Variants in SZT2 observed in about 807,000 individuals in gnomAD.
SZT2 encodes the protein KICSTOR complex protein SZT2.
In SZT2, 216 loss-of-function variants were observed where a neutral mutation model predicts 404.2. The observed-to-expected ratio is 0.53, with a 90% CI of 0.48 to 0.60. SZT2 has a LOEUF of 0.60. SZT2 is among the 20% of genes least tolerant of loss of function. The pLI is 0.00. For missense variants in SZT2, 3,857 were observed against 4,459.2 expected (o/e 0.86, Z 3.85); for synonymous variants, 1,693 against 1,749.9 (o/e 0.97, Z 0.81).
chr1:43,445,506 A>AGCT, intron 62 of SZT2: 1 of 294,166 alleles, frequency 3.4e-6, no homozygotes, highest in Non-Finnish European at 6.7e-6. Context: ...CCCAATCAAA[A>AGCT]GACAGCAGCT....
Position 43,448,266 on chromosome 1 carries a change from C to G in SZT2, c.9751C>G (p.Leu3251Val), listed in dbSNP as rs970400454. Reference sequence around the variant, plus strand: ...TGGACCGGCTCCTCTGTTCCCACCACTGGCTGCAGAGGTGGGCATGGCACG... The same window carrying G: ...TGGACCGGCTCCTCTGTTCCCACCAGTGGCTGCAGAGGTGGGCATGGCACG... ...APGPAPLFPP[L>V]AAEVGMARAR... is the part of the protein sequence containing the mutation. The change falls in exon 69 of 72, where the codon CTG becomes GTG. Residue 3251 changes from leucine (L) to valine (V), a missense_variant. By Grantham distance (32) the Leu-to-Val change is conservative (BLOSUM62 1). This residue lies in a region of SZT2 where 717 missense variants were observed against 868.2 expected (regional missense o/e 0.83). Transcript: ENST00000634258. The surrounding 1 kb of genome is among the most constrained non-coding windows in gnomAD (Gnocchi z 4.2). The G allele has an allele frequency of 1.3e-6, 2 of 1,573,510 alleles. No homozygotes were observed. Among genetic ancestry groups the G allele is most frequent in the Admixed American group, 1.9e-5 (1 of 53,878 alleles).
intron 62 of SZT2, chr1:43,445,614 C>G: frequency 2.0e-6 from 1 of 494,114 alleles, no homozygotes; most frequent in South Asian, 2.6e-5. Context: ...CCTTCTCTTT[C>G]CTGCCCAGCA....
rs566737195 is a variant in SZT2, at chr1:43,452,692, T to TA, written c.*2213dup. On this transcript the variant is annotated 3_prime_UTR_variant, in exon 72 of 72. Coordinates refer to ENST00000634258, the MANE Select transcript of SZT2 (RefSeq NM_001365999.1). Reference sequence around the variant, plus strand: ...TCTACTTCCTCTCCTCGCATCTACTTAGCCTTTTCCCATCTGTTTTCTGCC... The same window carrying TA: ...TCTACTTCCTCTCCTCGCATCTACTTAAGCCTTTTCCCATCTGTTTTCTGCC... 8.5e-4 allele frequency: 521 copies of TA among 610,462 alleles called. 2 individuals carry two copies. The African/African-American group carries it at 8.5e-3, about 10-fold the overall frequency. The allele number at this position is 610,462 out of a possible 1,614,324, so 37.8% of individuals were successfully genotyped here.
Position 43,439,197 on chromosome 1 carries a change from G to A in SZT2, c.6792+104G>A. 6.4e-7 allele frequency: 1 copy of A among 1,568,578 alleles called. No individual in the cohort carries two copies. Among genetic ancestry groups the A allele is most frequent in the Non-Finnish European group, 8.7e-7 (1 of 1,146,860 alleles). ...ACCCCTATATGTACCTTTGCCCATG[G>A]ACCTGGGTACACCCATGCCCCCCCG... is the stretch of plus-strand genomic sequence containing the variant. On this transcript the variant is annotated intron_variant, in intron 48 of 71. Coordinates refer to ENST00000634258, the MANE Select transcript of SZT2 (RefSeq NM_001365999.1). The surrounding 1 kb of genome is among the most constrained non-coding windows in gnomAD (Gnocchi z 4.2).
rs1257723750 is a variant in SZT2 at position 43,453,049 on chromosome 1, G to A, written c.*2569G>A. ...TCACTACCTGTAAGCAGCTTTCTCT[G>A]ATCCAGACAGGGTTAGGTGCCTACC... On this transcript the variant is annotated 3_prime_UTR_variant, in exon 72 of 72. Coordinates refer to ENST00000634258, the MANE Select transcript of SZT2 (RefSeq NM_001365999.1). 3 of 1,224,666 alleles carry A rather than the reference G, an allele frequency of 2.4e-6. No homozygotes were observed. Among genetic ancestry groups the A allele is most frequent in the Non-Finnish European group, 3.6e-6 (3 of 842,888 alleles). The allele number at this position is 1,224,666 out of a possible 1,614,324, so 75.9% of individuals were successfully genotyped here. A position where few individuals can be genotyped will look rare whatever the true frequency, so the allele number is the denominator to read the frequency against.
rs1365597578 is a variant in SZT2 at position 43,450,370 on chromosome 1, G to A, written c.10189G>A (p.Val3397Ile). The change falls in exon 72 of 72, where the codon GTA becomes ATA. Residue 3397 changes from valine (V) to isoleucine (I), a missense_variant. By Grantham distance (29) the Val-to-Ile change is conservative (BLOSUM62 3). Transcript: ENST00000634258. The surrounding 1 kb of genome is among the most constrained non-coding windows in gnomAD (Gnocchi z 4.3). ...AGTGGTTTTCCGAGAGCCCTTCCCA[G>A]TACAGCCCCAGGACAGCGAGAGCCC... ...LTVVFREPFPVQPQDSESPPA... is the reference protein window; with the variant it reads ...LTVVFREPFPIQPQDSESPPA... 1 of 1,613,958 alleles carries A rather than the reference G, an allele frequency of 6.2e-7. No individual in the cohort carries two copies. Among genetic ancestry groups the A allele is most frequent in the Admixed American group, 1.7e-5 (1 of 59,992 alleles).
rs778817038 is a variant in SZT2 at position 43,421,165 on chromosome 1, A to G, written c.1497-9A>G. On this transcript the variant is annotated splice_polypyrimidine_tract_variant and intron_variant, in intron 10 of 71. Transcript: ENST00000634258. ...CAGATATGGCTCAGGCCTGGCCCTTATTCTACAGCATCAACCAGACAGACC... is the reference window on the plus strand; with the variant it reads ...CAGATATGGCTCAGGCCTGGCCCTTGTTCTACAGCATCAACCAGACAGACC... 1.9e-6 allele frequency: 3 copies of G among 1,598,174 alleles called. No homozygotes were observed. Among genetic ancestry groups the G allele is most frequent in the Non-Finnish European group, 2.5e-6 (3 of 1,179,688 alleles).
Position 43,442,279 on chromosome 1 carries a change from A to G in SZT2, c.7885A>G (p.Met2629Val). Reference protein sequence around the residue: ...RRPTQQAAKAMQRFEPGGDGS... With the variant: ...RRPTQQAAKAVQRFEPGGDGS... ...CCCCCACCCTGTAGCTGCCAAAGCC[A>G]TGCAGCGCTTCGAGCCAGGAGGTGA... Residue 2629 changes from methionine (M) to valine (V), a missense_variant, in exon 57 of 72, where the codon ATG becomes GTG. Met to Val is a conservative substitution (Grantham distance 21). Transcript: ENST00000634258. This position sits in a 1 kb window ranked among gnomAD's most constrained non-coding sequence, Gnocchi z 4.5. 6.2e-7 allele frequency: 1 copy of G among 1,613,630 alleles called. No homozygotes were observed. The highest frequency in any genetic ancestry group is 1.3e-5 in the African/African-American group (1 of 75,048).
Position 43,404,224 on chromosome 1 carries a change from A to G in SZT2, c.328-156A>G, listed in dbSNP as rs1452868033. On this transcript the variant is annotated intron_variant, in intron 3 of 71. Coordinates refer to ENST00000634258, the MANE Select transcript of SZT2 (RefSeq NM_001365999.1). ...CCTGGTTTTGTTGTTTTTGTTTCCA[A>G]AAAACACCCCAGAAACTGTTCCATG... The G allele has an allele frequency of 4.5e-6, 3 of 669,130 alleles. No homozygotes were observed. The highest frequency in any genetic ancestry group is 7.4e-6 in the Non-Finnish European group (3 of 404,430). The allele number at this position is 669,130 out of a possible 1,614,324, so 41.4% of individuals were successfully genotyped here. A position where few individuals can be genotyped will look rare whatever the true frequency, so the allele number is the denominator to read the frequency against.
In SZT2 at chr1:43,442,624, T is replaced by C. The variant is rs1655189276; in HGVS notation, c.8151+6T>C. 1 of 1,594,960 alleles carries C rather than the reference T, an allele frequency of 6.3e-7. No individual in the cohort carries two copies. The highest frequency in any genetic ancestry group is 8.6e-7 in the Non-Finnish European group (1 of 1,169,204). ...TCCCCGTGCGAGATGAAAAGGTGCCTGCTGCTCTGGTTCTTCCTATAGTTT... is the reference window on the plus strand; with the variant it reads ...TCCCCGTGCGAGATGAAAAGGTGCCCGCTGCTCTGGTTCTTCCTATAGTTT... On this transcript the variant is annotated splice_donor_region_variant and intron_variant, in intron 58 of 71. Coordinates refer to ENST00000634258, the MANE Select transcript of SZT2 (RefSeq NM_001365999.1). This position sits in a 1 kb window ranked among gnomAD's most constrained non-coding sequence, Gnocchi z 4.5.
rs1259508159 is a variant in SZT2, at chr1:43,452,474, C to CA, written c.*1995dup. ...CCAGGTATCCCAGCACTTTCAGAGA[C>CA]ACTTCAGTGATGGCTGAGGGGCAAG... On this transcript the variant is annotated 3_prime_UTR_variant, in exon 72 of 72. Coordinates refer to ENST00000634258, the MANE Select transcript of SZT2 (RefSeq NM_001365999.1). 5 of 717,324 alleles carry CA rather than the reference C, an allele frequency of 7.0e-6. No individual in the cohort carries two copies. The Admixed American group carries it at 1.0e-4, about 14-fold the overall frequency. 44.4% of individuals were successfully genotyped at this position (717,324 alleles called of 1,614,324 possible). A position where few individuals can be genotyped will look rare whatever the true frequency, so the allele number is the denominator to read the frequency against.
Position 43,435,347 on chromosome 1 carries a change from A to G in SZT2, c.6034+18A>G, listed in dbSNP as rs1654349441. ...CAGTGATGGTGAGATCCCACCCAGG[A>G]GCCTCCCTCACAAGGCAGTGCTGCC... On this transcript the variant is annotated intron_variant, in intron 42 of 71. Coordinates refer to ENST00000634258, the MANE Select transcript of SZT2 (RefSeq NM_001365999.1). 2 of 1,613,336 alleles carry G rather than the reference A, an allele frequency of 1.2e-6. No homozygotes were observed. Among genetic ancestry groups the G allele is most frequent in the African/African-American group, 1.3e-5 (1 of 74,922 alleles).
chr1:43,443,588 C>A lies in SZT2; in HGVS notation c.8626-9C>A. ...TGGGGAGAGTCTTCCTTGATCTTTA[C>A]TCTCATAGCGGCGCCATCGCCCTGA... On this transcript the variant is annotated splice_polypyrimidine_tract_variant and intron_variant, in intron 61 of 71. Coordinates refer to ENST00000634258, the MANE Select transcript of SZT2 (RefSeq NM_001365999.1). 1 of 1,614,076 alleles carries A rather than the reference C, an allele frequency of 6.2e-7. No homozygotes were observed. Among genetic ancestry groups the A allele is most frequent in the Non-Finnish European group, 8.5e-7 (1 of 1,180,022 alleles).
chr1:43,429,140 A>G (rs1653549145), intron 28 of SZT2: 2 of 155,160 alleles, frequency 1.3e-5, no homozygotes. Flanking sequence ...TTCATGGTGA[A>G]AAATATCACC....
intron 4 of SZT2, chr1:43,406,227 A>G (rs895888038): frequency 9.8e-6 from 3 of 305,616 alleles, no homozygotes; most frequent in Non-Finnish European, 1.9e-5. Flanking sequence ...AGCTGGGATT[A>G]CAGGTGCCCA....
chr1:43,419,982 A>G (rs1570619317), intron 8 of SZT2, 38 bp downstream of exon 8: 3 of 1,595,392 alleles, frequency 1.9e-6, no homozygotes, highest in East Asian at 4.5e-5. Flanking sequence ...GAAGGAGGGA[A>G]TATAGAATGG....
chr1:43,392,418 T>TC (rs966870114), intron 1 of SZT2, among the ~76,000 whole-genome samples: 3 of 150,760 alleles, frequency 2.0e-5, no homozygotes, highest in African/African-American at 7.3e-5. Context: ...GTTAAGCTTT[T>TC]TTTTTTTTTT....
At chr1:43,417,444 A>G (rs973167127) in intron 7 of SZT2, among the ~76,000 whole-genome samples, 4 of 152,200 alleles carry the variant, frequency 2.6e-5, no homozygotes, top group Non-Finnish European at 5.9e-5. Flanking sequence ...TGGTAGAGTG[A>G]GGATAAGATG....
intron 4 of SZT2, among the ~76,000 whole-genome samples, chr1:43,411,740 A>G (rs1651069924): frequency 6.6e-6 from 1 of 150,514 alleles, no homozygotes; most frequent in Non-Finnish European, 1.5e-5. Flanking sequence ...ACCTGCCCAC[A>G]AGATAGAGCA....
Sources: gnomAD v4.1 joint callset for allele counts (sites outside exome capture counted in the v4.1 genomes callset) on GRCh38, gnomAD v4.1.1 for gene constraint, gnomAD v4.1.1 regional missense constraint, Gnocchi (gnomAD v3.1) non-coding constraint, MANE v1.5 for transcripts, NCBI Gene and HGNC (gene_info 2026-07-23, HGNC 2026-07-21) for gene names.